Variants in SNRNP35 observed in about 807,000 individuals in gnomAD.
The protein encoded by SNRNP35 is small nuclear ribonucleoprotein U11/U12 subunit 35.
SNRNP35 carries 16 observed loss-of-function variants against 24.3 expected under a neutral mutation model. That is an observed-to-expected ratio of 0.66 (90% CI 0.45 to 1.00). The LOEUF is 1.00. SNRNP35 is among the 50% of genes least tolerant of loss of function. The probability of loss-of-function intolerance (pLI) is 0.00; values close to 1 mark genes in which losing one functional copy is unlikely to be tolerated. For missense variants in SNRNP35, 292 were observed against 327.2 expected (o/e 0.89, Z 0.83); for synonymous variants, 106 against 124.8 (o/e 0.85, Z 1.00).
Position 123,465,329 on chromosome 12 carries a change from G to A in SNRNP35, c.-3-209G>A, listed in dbSNP as rs1033002814. ...CCTGAGAGGGCATTTGTAGGAGTGG[G>A]TAAGGGCTTCTCTGGAGCACAACTG... is the stretch of plus-strand genomic sequence containing the variant. On this transcript the variant is annotated intron_variant, in intron 1 of 1. Transcript: ENST00000526639. This position sits in a 1 kb window ranked among gnomAD's most constrained non-coding sequence, Gnocchi z 4.2. 5.3e-5 allele frequency among the ~76,000 whole-genome samples: 8 copies of A among 152,192 alleles called. No individual in the cohort carries two copies. The highest frequency in any genetic ancestry group is 1.9e-4 in the East Asian group (1 of 5,198).
chr12:123,465,843 G>A lies in SNRNP35; in HGVS notation c.303G>A (p.Glu101=), dbSNP rs1266360459. 6.2e-7 allele frequency: 1 copy of A among 1,614,014 alleles called. No homozygotes were observed. The highest frequency in any genetic ancestry group is 1.6e-4 in the Middle Eastern group (1 of 6,062). ...SKGYAFIEYK[E]ERAVIKAYRD... Reference sequence around the variant, plus strand: ...GCTACGCCTTCATCGAATACAAGGAGGAGCGTGCCGTGATCAAAGCTTACC... The same window carrying A: ...GCTACGCCTTCATCGAATACAAGGAAGAGCGTGCCGTGATCAAAGCTTACC... Residue 101 remains glutamate, a synonymous_variant, in exon 2 of 2, where the codon GAG becomes GAA. Coordinates refer to ENST00000526639, the MANE Select transcript of SNRNP35 (RefSeq NM_022717.4). The surrounding 1 kb of genome is among the most constrained non-coding windows in gnomAD (Gnocchi z 4.2).
chr12:123,466,293 C>G lies in SNRNP35; in HGVS notation c.*12C>G. 6.6e-7 allele frequency: 1 copy of G among 1,510,784 alleles called. No individual in the cohort carries two copies. Among genetic ancestry groups the G allele is most frequent in the South Asian group, 1.4e-5 (1 of 72,710 alleles). The allele number at this position is 1,510,784 out of a possible 1,614,324, so 93.6% of individuals were successfully genotyped here. A position where few individuals can be genotyped will look rare whatever the true frequency, so the allele number is the denominator to read the frequency against. ...AAAGAGGCAAGTAGAGGCCCAACAG[C>G]AGAACCCCAAAGTGAAGTTACAGTG... On this transcript the variant is annotated 3_prime_UTR_variant, in exon 2 of 2. Coordinates refer to ENST00000526639, the MANE Select transcript of SNRNP35 (RefSeq NM_022717.4).
chr12:123,460,306 C>T (rs1050219738), intron 1 of SNRNP35, among the ~76,000 whole-genome samples: 1 of 152,154 alleles, frequency 6.6e-6, no homozygotes, highest in African/African-American at 2.4e-5. Flanking sequence ...AGAGCTTTAG[C>T]TCTGGAGTCC....
chr12:123,468,626 G>T (rs1383997555), downstream of SNRNP35, among the ~76,000 whole-genome samples: 1 of 152,098 alleles, frequency 6.6e-6, no homozygotes, highest in Admixed American at 6.5e-5. Context: ...GGAAGCAGAG[G>T]TTGCAGTGAG....
At chr12:123,462,451 A>C (rs994841672) in intron 1 of SNRNP35, among the ~76,000 whole-genome samples, 1 of 151,836 alleles carries the variant, frequency 6.6e-6, no homozygotes, top group Non-Finnish European at 1.5e-5. Context: ...GAAAAATAGA[A>C]TAGGTTTTAT....
intron 1 of SNRNP35, among the ~76,000 whole-genome samples, chr12:123,463,915 T>C (rs1880786954): frequency 6.8e-6 from 1 of 147,392 alleles, no homozygotes; most frequent in African/African-American, 2.5e-5. Context: ...GGCGCCCACC[T>C]ACCTCGCCTG....
Position 123,466,213 on chromosome 12 carries a change from TGGGAG to T in SNRNP35, c.674_678del (p.Trp225Ter), listed in dbSNP as rs775432569. On this transcript the variant is annotated frameshift_variant, in exon 2 of 2. Coordinates refer to ENST00000526639, the MANE Select transcript of SNRNP35 (RefSeq NM_022717.4). LOFTEE classifies it high-confidence loss of function. ...GACCAGGGTGTGGCCCGACAATGACTGGGAGAGAGAGAGGGACTTCAGAGATGACA... is the reference window on the plus strand; with the variant it reads ...GACCAGGGTGTGGCCCGACAATGACTAGAGAGAGGGACTTCAGAGATGACA... The T allele has an allele frequency of 6.4e-7, 1 of 1,567,124 alleles. No individual in the cohort carries two copies. The highest frequency in any genetic ancestry group is 2.0e-5 in the Admixed American group (1 of 50,576).
chr12:123,463,854 C>T (rs1395806675), intron 1 of SNRNP35, among the ~76,000 whole-genome samples: 1 of 150,546 alleles, frequency 6.6e-6, no homozygotes, highest in Non-Finnish European at 1.5e-5. Context: ...AACCTCGCCT[C>T]CTGGGTTCAA....
rs1880989947 is a variant in SNRNP35, at chr12:123,466,453, A to G, written c.*172A>G. 1 of 633,266 alleles carries G rather than the reference A, an allele frequency of 1.6e-6. No homozygotes were observed. The highest frequency in any genetic ancestry group is 2.6e-6 in the Non-Finnish European group (1 of 384,300). 39.2% of individuals were successfully genotyped at this position (633,266 alleles called of 1,614,324 possible). ...CGGTTCAAGCTGATAGGAATTTATC[A>G]TCTTCCTCACATAGTTCTAAGGACA... is the stretch of plus-strand genomic sequence containing the variant. On this transcript the variant is annotated 3_prime_UTR_variant, in exon 2 of 2. Transcript: ENST00000526639.
downstream of SNRNP35, among the ~76,000 whole-genome samples, chr12:123,468,016 G>A (rs1881035556): frequency 6.6e-6 from 1 of 152,196 alleles, no homozygotes; most frequent in Non-Finnish European, 1.5e-5. Flanking sequence ...GCCAGTTGCA[G>A]TGTTTGTGTA....
In SNRNP35 at chr12:123,465,861, A is replaced by G. The variant is rs28728202; in HGVS notation, c.321A>G (p.Lys107=). The G allele has an allele frequency of 6.2e-3, 10,077 of 1,613,978 alleles. 41 individuals are homozygous for G. The highest frequency in any genetic ancestry group is 7.8e-3 in the Non-Finnish European group (9,148 of 1,180,010). ...ACAAGGAGGAGCGTGCCGTGATCAA[A>G]GCTTACCGAGATGCTGATGGCCTGG... is the stretch of plus-strand genomic sequence containing the variant. The part of the protein sequence containing the change: ...IEYKEERAVI[K]AYRDADGLVI... Residue 107 remains lysine, a synonymous_variant, in exon 2 of 2, where the codon AAA becomes AAG. Coordinates refer to ENST00000526639, the MANE Select transcript of SNRNP35 (RefSeq NM_022717.4). This position sits in a 1 kb window ranked among gnomAD's most constrained non-coding sequence, Gnocchi z 4.2.
chr12:123,464,601 C>G (rs953369062), intron 1 of SNRNP35: 3 of 152,222 alleles, frequency 2.0e-5, no homozygotes, highest in Admixed American at 6.5e-5. Context: ...GCAGGTTGGT[C>G]ACATAAGCAT....
downstream of SNRNP35, among the ~76,000 whole-genome samples, chr12:123,468,756 G>A (rs983767598): frequency 6.6e-6 from 1 of 152,186 alleles, no homozygotes; most frequent in South Asian, 2.1e-4. Context: ...AGTGTTCTAT[G>A]GGCTGTGGTG....
chr12:123,466,477 C>T lies in SNRNP35; in HGVS notation c.*196C>T. 3.9e-6 allele frequency: 2 copies of T among 515,524 alleles called. No homozygotes were observed. Among genetic ancestry groups the T allele is most frequent in the East Asian group, 3.2e-5 (1 of 31,034 alleles). The allele number at this position is 515,524 out of a possible 1,614,324, so 31.9% of individuals were successfully genotyped here. The stretch of plus-strand genomic sequence containing the variant: ...CATCTTCCTCACATAGTTCTAAGGA[C>T]ATGTTATTTAACAGGATCAAGAAGC... On this transcript the variant is annotated 3_prime_UTR_variant, in exon 2 of 2. Coordinates refer to ENST00000526639, the MANE Select transcript of SNRNP35 (RefSeq NM_022717.4).
At position 123,459,916 on chromosome 12, in the gene SNRNP35, A is replaced by C. The variant is rs775524417; in HGVS notation, c.-4+1700A>C. On this transcript the variant is annotated intron_variant, in intron 1 of 1. Coordinates refer to ENST00000526639, the MANE Select transcript of SNRNP35 (RefSeq NM_022717.4). ...GAAACCAGCTGTTAGTATCTATAGA[A>C]GCATGCAGATGAGAGAGAGAACAAA... 5 of 1,491,844 alleles carry C rather than the reference A, an allele frequency of 3.4e-6. No homozygotes were observed. In the East Asian group the frequency reaches 6.8e-5, roughly 20 times the overall value. 92.4% of individuals were successfully genotyped at this position (1,491,844 alleles called of 1,614,324 possible).
At chr12:123,469,689 G>A (rs894847862), downstream of SNRNP35, among the ~76,000 whole-genome samples, 1 of 151,842 alleles carries the variant, frequency 6.6e-6, no homozygotes, top group Non-Finnish European at 1.5e-5. Flanking sequence ...TTTTTGTAGA[G>A]GTGGGTTATT....
downstream of SNRNP35, among the ~76,000 whole-genome samples, chr12:123,468,383 A>G (rs1332544193): frequency 7.2e-6 from 1 of 139,562 alleles, no homozygotes; most frequent in East Asian, 2.1e-4. Context: ...AAAGAAAAGA[A>G]AAAAAGAAAA....
exon 2 of SNRNP35, chr12:123,472,405 G>T: frequency 1.1e-6 from 1 of 897,800 alleles, no homozygotes; most frequent in Non-Finnish European, 1.7e-6. Flanking sequence ...AAATCAGACA[G>T]TCTGTTTGAG....
At chr12:123,459,901 G>C (rs1170842699) in intron 1 of SNRNP35, 1 of 1,572,580 alleles carries the variant, frequency 6.4e-7, no homozygotes, top group Non-Finnish European at 8.7e-7. Flanking sequence ...GAAACCAGCT[G>C]TTAGTATCTA....
Sources: allele counts gnomAD v4.1 joint callset (sites outside exome capture counted in the v4.1 genomes callset), GRCh38; gene constraint gnomAD v4.1.1; non-coding constraint Gnocchi (gnomAD v3.1); transcripts MANE v1.5; gene names NCBI Gene and HGNC (gene_info 2026-07-23, HGNC 2026-07-21).